PDE4B: variants seen among roughly 807,000 people sequenced by gnomAD.
The protein encoded by PDE4B is 3',5'-cyclic-AMP phosphodiesterase 4B.
PDE4B carries 20 observed loss-of-function variants against 82.2 expected under a neutral mutation model. The observed-to-expected ratio is 0.24, with a 90% confidence interval of 0.17 to 0.35. PDE4B has a LOEUF of 0.35. Ranked by LOEUF, PDE4B falls within the 10% of genes least tolerant of loss-of-function variation. The pLI, the probability that PDE4B is intolerant of heterozygous loss-of-function variation, is 1.00. For missense variants in PDE4B, 655 were observed against 907.2 expected (o/e 0.72, Z 3.57); for synonymous variants, 320 against 318.9 (o/e 1.00, Z -0.04).
chr1:66,155,335 C>G (rs1225214623), intron 3 of PDE4B, among the ~76,000 whole-genome samples: 1 of 152,002 alleles, frequency 6.6e-6, no homozygotes, highest in Non-Finnish European at 1.5e-5. Context: ...TTCTGCCTAC[C>G]TACAATTTCT....
chr1:66,206,544 A>C (rs1649569847), intron 3 of PDE4B, among the ~76,000 whole-genome samples: 1 of 152,242 alleles, frequency 6.6e-6, no homozygotes, highest in African/African-American at 2.4e-5. Flanking sequence ...TATTTTAAAA[A>C]AATTCTTTGG....
intron 3 of PDE4B, among the ~76,000 whole-genome samples, chr1:66,067,318 G>A (rs1193472602): frequency 6.6e-6 from 1 of 152,056 alleles, no homozygotes; most frequent in East Asian, 1.9e-4. Context: ...GTGTAAAAGT[G>A]TTCCTATTTC....
chr1:66,193,364 C>G (rs1401797000), intron 3 of PDE4B, among the ~76,000 whole-genome samples: 1 of 152,132 alleles, frequency 6.6e-6, no homozygotes, highest in Non-Finnish European at 1.5e-5. Context: ...ACATCCTAGG[C>G]TATTTCTTGG....
chr1:66,234,874 AT>A (rs1409969772), intron 3 of PDE4B, among the ~76,000 whole-genome samples: 4 of 151,342 alleles, frequency 2.6e-5, no homozygotes, highest in East Asian at 1.9e-4. Context: ...CATTTTTTCT[AT>A]TTTTTTAATA....
intron 3 of PDE4B, among the ~76,000 whole-genome samples, chr1:66,207,096 T>C (rs1649615120): frequency 6.6e-6 from 1 of 152,172 alleles, no homozygotes; most frequent in African/African-American, 2.4e-5. Flanking sequence ...AAGCCCAACT[T>C]ATATGGCAAA....
chr1:65,984,773 C>A (rs1650869266), intron 3 of PDE4B, among the ~76,000 whole-genome samples: 2 of 151,864 alleles, frequency 1.3e-5, no homozygotes. Context: ...AACAAACAAA[C>A]AAAATATATA....
intron 7 of PDE4B, among the ~76,000 whole-genome samples, chr1:66,311,329 G>C (rs12027493): frequency 6.6e-6 from 1 of 152,334 alleles, no homozygotes; most frequent in East Asian, 1.9e-4. Flanking sequence ...TTGAGACAAT[G>C]TGAGACTGTT....
intron 3 of PDE4B, among the ~76,000 whole-genome samples, chr1:66,016,580 C>G (rs1312050814): frequency 6.6e-6 from 1 of 151,992 alleles, no homozygotes; most frequent in Non-Finnish European, 1.5e-5. Context: ...ACCATGATAT[C>G]AAGTGTAATC....
At chr1:66,158,793 C>A (rs1307067517) in intron 3 of PDE4B, among the ~76,000 whole-genome samples, 1 of 152,012 alleles carries the variant, frequency 6.6e-6, no homozygotes, top group Non-Finnish European at 1.5e-5. Flanking sequence ...TTTGTGGCAA[C>A]GTGGTTGAAC....
At chr1:66,179,670 T>G (rs111927536) in intron 3 of PDE4B, among the ~76,000 whole-genome samples, 233 of 152,286 alleles carry the variant, frequency 1.5e-3, no homozygotes, top group African/African-American at 5.3e-3. Context: ...ATTTGAACAA[T>G]TGTAGTTGTC....
intron 3 of PDE4B, among the ~76,000 whole-genome samples, chr1:66,060,891 G>T (rs1223666682): frequency 6.6e-6 from 1 of 151,782 alleles, no homozygotes; most frequent in South Asian, 2.1e-4. Context: ...CCTGAGTCTG[G>T]TGTTTCAGTG....
intron 3 of PDE4B, among the ~76,000 whole-genome samples, chr1:66,089,570 T>C (rs544397767): frequency 6.6e-6 from 1 of 152,198 alleles, no homozygotes; most frequent in East Asian, 1.9e-4. Flanking sequence ...AAACTCCCCA[T>C]CTTGTTTCTG....
At chr1:66,256,068 TC>T (rs1280276677) in intron 4 of PDE4B, among the ~76,000 whole-genome samples, 1 of 152,184 alleles carries the variant, frequency 6.6e-6, no homozygotes, top group Non-Finnish European at 1.5e-5. Flanking sequence ...TCCCAGCTAC[TC>T]CAGAGTCTGA....
intron 7 of PDE4B, among the ~76,000 whole-genome samples, chr1:66,311,707 G>A (rs1447767500): frequency 6.6e-6 from 1 of 152,242 alleles, no homozygotes; most frequent in Non-Finnish European, 1.5e-5. Context: ...TTGGAATGCT[G>A]TGTCCTTTGT....
intron 7 of PDE4B, among the ~76,000 whole-genome samples, chr1:66,294,465 A>AT (rs984602683): frequency 9.2e-5 from 14 of 152,082 alleles, no homozygotes; most frequent in Non-Finnish European, 1.8e-4. Context: ...CCCAAAGTGA[A>AT]TTTTTTTGGT....
chr1:66,142,871 C>T (rs891300390), intron 3 of PDE4B, among the ~76,000 whole-genome samples: 4 of 152,154 alleles, frequency 2.6e-5, no homozygotes, highest in Admixed American at 6.6e-5. Flanking sequence ...TCCTTCAATA[C>T]TCAGTTCAGC....
intron 3 of PDE4B, among the ~76,000 whole-genome samples, chr1:66,227,600 C>T (rs777022076): frequency 6.6e-6 from 1 of 152,156 alleles, no homozygotes; most frequent in South Asian, 2.1e-4. Flanking sequence ...CATCAGCTCT[C>T]CCAGCTAAAT....
intron 3 of PDE4B, among the ~76,000 whole-genome samples, chr1:66,192,182 A>ATC (rs1360956849): frequency 1.3e-5 from 2 of 151,696 alleles, no homozygotes; most frequent in African/African-American, 2.4e-5. Context: ...AAACTGTTCT[A>ATC]TCTCTCTCTC....
At chr1:65,840,964 G>T (rs1284751928) in intron 1 of PDE4B, among the ~76,000 whole-genome samples, 1 of 152,130 alleles carries the variant, frequency 6.6e-6, no homozygotes, top group Non-Finnish European at 1.5e-5. Context: ...TTTTGAACTT[G>T]CTAGGATGCA....
Sources: allele counts gnomAD v4.1 joint callset (sites outside exome capture counted in the v4.1 genomes callset), GRCh38; gene constraint gnomAD v4.1.1; transcripts MANE v1.5; gene names NCBI Gene and HGNC (gene_info 2026-07-23, HGNC 2026-07-21).